SPATA16: variants seen among roughly 807,000 people sequenced by gnomAD.
SPATA16 encodes the protein spermatogenesis associated 16.
SPATA16 carries 36 observed loss-of-function variants against 63.3 expected under a neutral mutation model. That is an observed-to-expected ratio of 0.57 (90% CI 0.44 to 0.75). The LOEUF (loss-of-function observed/expected upper bound fraction) is 0.75. Ranked by LOEUF, SPATA16 falls within the 30% of genes least tolerant of loss-of-function variation. The probability of loss-of-function intolerance (pLI) is 0.00; values close to 1 mark genes in which losing one functional copy is unlikely to be tolerated. For missense variants in SPATA16, 646 were observed against 679.3 expected, an observed-to-expected ratio of 0.95 and a Z score of 0.54; for synonymous variants, 203 against 216.7, an observed-to-expected ratio of 0.94 and a Z score of 0.56.
intron 3 of SPATA16, among the ~76,000 whole-genome samples, chr3:173,040,402 G>A (rs1392440277): frequency 6.6e-6 from 1 of 152,076 alleles, no homozygotes; most frequent in African/African-American, 2.4e-5. Context: ...AGGATTTCAG[G>A]TATAAGAAAG....
intron 3 of SPATA16, among the ~76,000 whole-genome samples, chr3:173,047,799 A>G (rs1735991552): frequency 6.6e-6 from 1 of 152,026 alleles, no homozygotes; most frequent in Non-Finnish European, 1.5e-5. Flanking sequence ...ATAGGGAGTA[A>G]AATTTTCTTT....
intron 1 of SPATA16, among the ~76,000 whole-genome samples, chr3:173,123,957 G>T (rs1019453064): frequency 1.3e-5 from 2 of 152,020 alleles, no homozygotes; most frequent in Non-Finnish European, 1.5e-5. Context: ...TGTAATTATG[G>T]CCCTGCTATA....
intron 2 of SPATA16, among the ~76,000 whole-genome samples, chr3:173,051,410 G>C (rs764950331): frequency 6.6e-6 from 1 of 152,108 alleles, no homozygotes; most frequent in Non-Finnish European, 1.5e-5. Context: ...CACCGTGTTA[G>C]CCAGGATGAC....
chr3:172,922,798 T>C (rs1327817304), intron 8 of SPATA16, among the ~76,000 whole-genome samples: 3 of 152,164 alleles, frequency 2.0e-5, no homozygotes, highest in African/African-American at 7.2e-5. Context: ...TGGCACATGC[T>C]GTAATCCCGG....
chr3:172,985,826 A>G (rs1000411648), intron 4 of SPATA16, among the ~76,000 whole-genome samples: 3 of 152,172 alleles, frequency 2.0e-5, no homozygotes, highest in Non-Finnish European at 4.4e-5. Context: ...AAAGGGGGGA[A>G]ACGCTAGAAA....
rs564958004 is a variant in SPATA16 at position 173,025,561 on chromosome 3, A to G, written c.759-5986T>C. Among the ~76,000 whole-genome samples the G allele has an allele frequency of 1.4e-4, 21 of 152,050 alleles. No homozygotes were observed. In the East Asian group the frequency reaches 3.7e-3, roughly 27 times the overall value. ...ATAGCCATCAACACAATAGAGATACAGAAATTTACAACCGTACTAAACAGT... is the reference window on the plus strand; with the variant it reads ...ATAGCCATCAACACAATAGAGATACGGAAATTTACAACCGTACTAAACAGT... On this transcript the variant is annotated intron_variant, in intron 3 of 10. Coordinates refer to ENST00000351008, the MANE Select transcript of SPATA16 (RefSeq NM_031955.6).
At chr3:172,889,754 T>C (rs1409284298) in intron 10 of SPATA16, 62 bp from the exon 11 acceptor site, 23 of 1,594,542 alleles carry the variant, frequency 1.4e-5, no homozygotes, top group Non-Finnish European at 1.9e-5. Flanking sequence ...TGTATACTTA[T>C]AAAAACGGTG....
intron 2 of SPATA16, among the ~76,000 whole-genome samples, chr3:173,061,360 T>A (rs1736374105): frequency 6.6e-6 from 1 of 152,336 alleles, no homozygotes; most frequent in South Asian, 2.1e-4. Flanking sequence ...ATGCAATGGA[T>A]ATAGGTAACA....
At chr3:173,062,795 T>G (rs1005615756) in intron 2 of SPATA16, among the ~76,000 whole-genome samples, 3 of 152,202 alleles carry the variant, frequency 2.0e-5, no homozygotes. Flanking sequence ...GGAGGGTGGA[T>G]GGTTTCGTGA....
At chr3:172,966,127 A>G (rs1467673020) in intron 5 of SPATA16, among the ~76,000 whole-genome samples, 1 of 152,214 alleles carries the variant, frequency 6.6e-6, no homozygotes, top group African/African-American at 2.4e-5. Context: ...CATACATTAT[A>G]TACCTATATA....
At chr3:172,959,339 G>A (rs1437479028) in intron 5 of SPATA16, among the ~76,000 whole-genome samples, 3 of 152,178 alleles carry the variant, frequency 2.0e-5, no homozygotes, top group Non-Finnish European at 4.4e-5. Context: ...AGCTTGATCT[G>A]CTCATTGAAG....
chr3:172,896,568 G>A (rs1732014433), intron 10 of SPATA16, among the ~76,000 whole-genome samples: 2 of 152,212 alleles, frequency 1.3e-5, no homozygotes, highest in Admixed American at 1.3e-4. Context: ...CATCCCATTA[G>A]TAATGTATGA....
chr3:173,112,871 T>C (rs1359293046), intron 2 of SPATA16, among the ~76,000 whole-genome samples: 1 of 152,212 alleles, frequency 6.6e-6, no homozygotes, highest in African/African-American at 2.4e-5. Flanking sequence ...AAAGGATACA[T>C]ATAGATTTGT....
chr3:172,935,935 G>A (rs974076895), intron 6 of SPATA16, among the ~76,000 whole-genome samples: 2 of 152,182 alleles, frequency 1.3e-5, no homozygotes, highest in Non-Finnish European at 2.9e-5. Flanking sequence ...TCTGGGGAAG[G>A]ATGCAAAATA....
intron 4 of SPATA16, among the ~76,000 whole-genome samples, chr3:173,003,130 A>G (rs578052444): frequency 1.3e-5 from 2 of 152,300 alleles, no homozygotes; most frequent in South Asian, 4.1e-4. Context: ...GAAATTACCT[A>G]CAACACATAT....
chr3:173,043,709 A>G (rs1265664945), intron 3 of SPATA16, among the ~76,000 whole-genome samples: 1 of 151,816 alleles, frequency 6.6e-6, no homozygotes, highest in Non-Finnish European at 1.5e-5. Context: ...TCAAGTTTCA[A>G]TCTATTGCCA....
chr3:173,067,209 C>A (rs1459932055), intron 2 of SPATA16, among the ~76,000 whole-genome samples: 2 of 151,802 alleles, frequency 1.3e-5, no homozygotes. Flanking sequence ...ACCTAGATGC[C>A]CAATAACAGT....
chr3:172,998,975 AAG>A (rs1295845698), intron 4 of SPATA16, among the ~76,000 whole-genome samples: 3 of 152,176 alleles, frequency 2.0e-5, no homozygotes, highest in African/African-American at 7.2e-5. Context: ...TTTTGTTCAT[AAG>A]AGATACTGGT....
chr3:172,895,485 G>C (rs756734438), intron 10 of SPATA16, among the ~76,000 whole-genome samples: 11 of 152,084 alleles, frequency 7.2e-5, no homozygotes, highest in Admixed American at 2.0e-4. Context: ...ACAGGCATGT[G>C]CCACCACAGT....
Sources: allele counts gnomAD v4.1 joint callset (sites outside exome capture counted in the v4.1 genomes callset), GRCh38; gene constraint gnomAD v4.1.1; transcripts MANE v1.5; gene names NCBI Gene and HGNC (gene_info 2026-07-23, HGNC 2026-07-21).